The following FMN1 variants were observed in gnomAD, a reference collection of about 807,000 sequenced individuals.
FMN1 encodes formin 1, also known as formin-1.
Under a neutral mutation model 132.4 loss-of-function variants are expected in FMN1, and 110 were observed. That is an observed-to-expected ratio of 0.83 (90% confidence interval 0.71 to 0.97). The LOEUF (loss-of-function observed/expected upper bound fraction) is 0.97, where lower values mean the gene tolerates loss of function less well. Among genes scored for constraint, FMN1 ranks in the 50% least tolerant of loss-of-function variants. The probability of loss-of-function intolerance (pLI) is 0.00; values close to 1 mark genes in which losing one functional copy is unlikely to be tolerated. For synonymous variants in FMN1, 722 were observed against 651.7 expected (o/e 1.11, Z -1.64); for missense variants, 1,792 against 1,705.3 (o/e 1.05, Z -0.90).
chr15:32,911,855 G>A (rs1233955464), intron 10 of FMN1, among the ~76,000 whole-genome samples: 2 of 151,982 alleles, frequency 1.3e-5, no homozygotes, highest in Non-Finnish European at 2.9e-5. Context: ...AAAGAAAAAT[G>A]CAGTTTAAGG....
At chr15:33,080,930 C>T (rs1333548813) in intron 5 of FMN1, among the ~76,000 whole-genome samples, 1 of 151,710 alleles carries the variant, frequency 6.6e-6, no homozygotes, top group African/African-American at 2.4e-5. Context: ...TGAAACAATA[C>T]AAGGACCTGT....
intron 6 of FMN1, among the ~76,000 whole-genome samples, chr15:33,024,343 T>C (rs1180322442): frequency 1.4e-5 from 2 of 148,130 alleles, no homozygotes. Context: ...GCCTACTGGG[T>C]TCATGCCATT....
At chr15:32,945,793 A>AG (rs1313557378) in intron 9 of FMN1, among the ~76,000 whole-genome samples, 1 of 152,148 alleles carries the variant, frequency 6.6e-6, no homozygotes, top group Non-Finnish European at 1.5e-5. Flanking sequence ...GAGCACCCCT[A>AG]GCTGCAGTGC....
At chr15:32,784,534 T>C (rs1285198142) in intron 19 of FMN1, among the ~76,000 whole-genome samples, 3 of 152,118 alleles carry the variant, frequency 2.0e-5, no homozygotes, top group Non-Finnish European at 4.4e-5. Flanking sequence ...GGTAGACAAC[T>C]GATTTAAGAA....
intron 8 of FMN1, among the ~76,000 whole-genome samples, chr15:32,966,378 C>A (rs2031228532): frequency 6.6e-6 from 1 of 152,026 alleles, no homozygotes; most frequent in Non-Finnish European, 1.5e-5. Flanking sequence ...TTTGGGACAG[C>A]CAGCATTTGG....
At chr15:33,058,241 G>T (rs1013687407) in intron 6 of FMN1, among the ~76,000 whole-genome samples, 3 of 152,152 alleles carry the variant, frequency 2.0e-5, no homozygotes, top group Non-Finnish European at 4.4e-5. Flanking sequence ...AAGCCACCTG[G>T]ATAGAAATTA....
At position 33,035,870 on chromosome 15, in the gene FMN1, T is replaced by C. The variant is rs111701129; in HGVS notation, c.2162-27795A>G. Among the ~76,000 whole-genome samples, 1,463 of 152,332 alleles carry C rather than the reference T, an allele frequency of 9.6e-3. 25 individuals carry two copies. The highest frequency in any genetic ancestry group is 0.032 in the African/African-American group (1,325 of 41,564). On this transcript the variant is annotated intron_variant, in intron 6 of 20. Coordinates refer to ENST00000616417, the MANE Select transcript of FMN1 (RefSeq NM_001277313.2). ...ATTCGATCAGACAGCCCTGACCTCA[T>C]GAATAGATTAATTTATTCACGGATT...
At chr15:32,888,515 G>A (rs999807697) in intron 15 of FMN1, among the ~76,000 whole-genome samples, 3 of 152,164 alleles carry the variant, frequency 2.0e-5, no homozygotes, top group African/African-American at 7.2e-5. Context: ...GGTCGGCTAT[G>A]GCATGGGCCA....
intron 4 of FMN1, among the ~76,000 whole-genome samples, chr15:33,118,662 T>C (rs1379427458): frequency 6.6e-6 from 1 of 152,152 alleles, no homozygotes; most frequent in Non-Finnish European, 1.5e-5. Flanking sequence ...TCATATTAAA[T>C]ATTAAATACA....
At chr15:32,976,067 A>G (rs1191048289) in intron 7 of FMN1, among the ~76,000 whole-genome samples, 1 of 152,086 alleles carries the variant, frequency 6.6e-6, no homozygotes, top group Non-Finnish European at 1.5e-5. Flanking sequence ...TGGAAAAATC[A>G]TCCGTTAGCA....
At chr15:33,148,505 C>T (rs767481814) in intron 4 of FMN1, among the ~76,000 whole-genome samples, 1 of 152,174 alleles carries the variant, frequency 6.6e-6, no homozygotes, top group Non-Finnish European at 1.5e-5. Flanking sequence ...TTACACTCTG[C>T]TTTCTGGTTG....
At chr15:33,003,795 A>G (rs1269995919) in intron 7 of FMN1, among the ~76,000 whole-genome samples, 3 of 152,212 alleles carry the variant, frequency 2.0e-5, no homozygotes, top group Non-Finnish European at 2.9e-5. Context: ...TTCAAACTAC[A>G]CTACAAGGCT....
intron 7 of FMN1, among the ~76,000 whole-genome samples, chr15:33,000,670 A>G (rs1418233218): frequency 6.6e-6 from 1 of 152,138 alleles, no homozygotes; most frequent in African/African-American, 2.4e-5. Context: ...CAGGAAGTGG[A>G]TTATACATTG....
At chr15:32,925,388 T>G (rs1389728207) in intron 10 of FMN1, among the ~76,000 whole-genome samples, 1 of 152,212 alleles carries the variant, frequency 6.6e-6, no homozygotes, top group Non-Finnish European at 1.5e-5. Context: ...TCCACTCAGA[T>G]TAAGTCTCTA....
chr15:32,856,804 A>T (rs1361745017), intron 17 of FMN1, among the ~76,000 whole-genome samples: 1 of 152,208 alleles, frequency 6.6e-6, no homozygotes, highest in East Asian at 1.9e-4. Context: ...AGAATTTAAA[A>T]TATTAAACTG....
At chr15:33,052,806 A>G (rs2037039010) in intron 6 of FMN1, among the ~76,000 whole-genome samples, 1 of 152,090 alleles carries the variant, frequency 6.6e-6, no homozygotes, top group East Asian at 1.9e-4. Flanking sequence ...CCCTTCCCCT[A>G]TTTTATATAC....
chr15:33,082,905 T>C (rs1414205042), intron 5 of FMN1, among the ~76,000 whole-genome samples: 1 of 151,956 alleles, frequency 6.6e-6, no homozygotes. Flanking sequence ...AATTTTGTAA[T>C]ATAGGCATGT....
intron 10 of FMN1, among the ~76,000 whole-genome samples, chr15:32,922,790 G>A (rs1329276622): frequency 6.6e-6 from 1 of 152,150 alleles, no homozygotes; most frequent in African/African-American, 2.4e-5. Flanking sequence ...CAACTTAATG[G>A]TAGAGTTTTC....
chr15:33,024,242 T>TGAGAAG (rs1240265595), intron 6 of FMN1, among the ~76,000 whole-genome samples: 7 of 36,878 alleles, frequency 1.9e-4, no homozygotes, highest in South Asian at 7.6e-4. Flanking sequence ...TTTTTTTTTT[T>TGAGAAG]TTTTTTTTTT....
Sources: gnomAD v4.1 joint callset for allele counts (sites outside exome capture counted in the v4.1 genomes callset) on GRCh38, gnomAD v4.1.1 for gene constraint, MANE v1.5 for transcripts, NCBI Gene and HGNC (gene_info 2026-07-23, HGNC 2026-07-21) for gene names.